The following PCCA variants were observed in gnomAD, a reference collection of about 807,000 sequenced individuals.
PCCA encodes the protein propionyl-CoA carboxylase subunit alpha, also known as propionyl-CoA carboxylase alpha chain, mitochondrial.
In PCCA, 74 loss-of-function variants were observed where a neutral mutation model predicts 101.3. The ratio of observed to expected loss-of-function variants is 0.73; its 90% CI spans 0.61 to 0.89. The LOEUF (loss-of-function observed/expected upper bound fraction) is 0.89. Ranked by LOEUF, PCCA falls within the 40% of genes least tolerant of loss-of-function variation. The probability of loss-of-function intolerance (pLI) is 0.00; values close to 1 mark genes in which losing one functional copy is unlikely to be tolerated. For missense variants in PCCA, 891 were observed against 907.0 expected (o/e 0.98, Z 0.23); for synonymous variants, 294 against 313.6 (o/e 0.94, Z 0.66).
intron 19 of PCCA, among the ~76,000 whole-genome samples, chr13:100,377,019 T>C (rs1456005943): frequency 6.6e-6 from 1 of 152,138 alleles, no homozygotes; most frequent in African/African-American, 2.4e-5. Context: ...GCACTGCCCC[T>C]CCCTCATGGC....
chr13:100,458,440 T>C lies in PCCA; in HGVS notation c.1899+9135T>C, dbSNP rs7991498. ...CTCTGCGCGCACACACACACACACA[T>C]ACACACACACACACACACACACACA... On this transcript the variant is annotated intron_variant, in intron 21 of 23. Transcript: ENST00000376285. Among the ~76,000 whole-genome samples the C allele has an allele frequency of 8.5e-3, 1,007 of 118,624 alleles. 7 individuals carry two copies. The highest frequency in any genetic ancestry group is 0.044 in the East Asian group (171 of 3,874). The allele number at this position is 118,624 out of a possible 152,430, so 77.8% of individuals were successfully genotyped here. A position where few individuals can be genotyped will look rare whatever the true frequency, so the allele number is the denominator to read the frequency against.
intron 19 of PCCA, among the ~76,000 whole-genome samples, chr13:100,421,096 A>G (rs2078715343): frequency 6.6e-6 from 1 of 152,092 alleles, no homozygotes; most frequent in Admixed American, 6.6e-5. Flanking sequence ...AATTCCAGCT[A>G]CTCAGGAGGC....
Position 100,286,653 on chromosome 13 carries a change from T to C in PCCA, c.1065+13307T>C, listed in dbSNP as rs376058741. 3.9e-5 allele frequency among the ~76,000 whole-genome samples: 6 copies of C among 152,352 alleles called. No homozygotes were observed. In the South Asian group the frequency reaches 1.2e-3, roughly 32 times the overall value. ...TCCTTACAGCTTTCTTTTCAAACTT[T>C]TTTTTAATGTGTCTTGGCTTAGTTG... On this transcript the variant is annotated intron_variant, in intron 12 of 23. Coordinates refer to ENST00000376285, the MANE Select transcript of PCCA (RefSeq NM_000282.4).
At chr13:100,405,703 G>A (rs2077627344) in intron 19 of PCCA, among the ~76,000 whole-genome samples, 1 of 151,752 alleles carries the variant, frequency 6.6e-6, no homozygotes, top group Non-Finnish European at 1.5e-5. Context: ...TGCGAGTTGG[G>A]TGGTCCTCTC....
At position 100,217,924 on chromosome 13, in the gene PCCA, AAAT is replaced by A. The variant is rs1566730421; in HGVS notation, c.600+8464_600+8466del. ...TCCCGACTCTACTAAAAATAGAAAA[AAAT>A]AAGCTGGGCGTGGTGGCAGGCCCTG... On this transcript the variant is annotated intron_variant, in intron 7 of 23. Transcript: ENST00000376285. Among the ~76,000 whole-genome samples, 4 of 151,058 alleles carry A rather than the reference AAAT, an allele frequency of 2.6e-5. No individual in the cohort carries two copies. The South Asian group carries it at 8.4e-4, about 32-fold the overall frequency.
At position 100,104,845 on chromosome 13, in the gene PCCA, A is replaced by G. The variant is rs1398926990; in HGVS notation, c.183+1885A>G. On this transcript the variant is annotated intron_variant, in intron 2 of 23. Transcript: ENST00000376285. ...CAGCCTCCCGAGTAGCTGGGATTACAGGTGTACGTCACCATGCCCGGCTAA... is the reference window on the plus strand; with the variant it reads ...CAGCCTCCCGAGTAGCTGGGATTACGGGTGTACGTCACCATGCCCGGCTAA... 1.3e-5 allele frequency among the ~76,000 whole-genome samples: 2 copies of G among 152,104 alleles called. 1 individual carries two copies. Among genetic ancestry groups the G allele is most frequent in the Non-Finnish European group, 2.9e-5 (2 of 68,004 alleles).
At chr13:100,258,753 A>G (rs1282681447) in intron 9 of PCCA, among the ~76,000 whole-genome samples, 3 of 152,238 alleles carry the variant, frequency 2.0e-5, no homozygotes, top group African/African-American at 7.2e-5. Flanking sequence ...TTCATATATT[A>G]GGCATCATTT....
At chr13:100,183,176 G>C (rs930269011) in intron 6 of PCCA, among the ~76,000 whole-genome samples, 3 of 151,954 alleles carry the variant, frequency 2.0e-5, no homozygotes, top group Non-Finnish European at 4.4e-5. Context: ...TTCATGAGGG[G>C]GAGTATTTTA....
At chr13:100,093,342 C>T (rs1264477695) in intron 1 of PCCA, among the ~76,000 whole-genome samples, 1 of 151,958 alleles carries the variant, frequency 6.6e-6, no homozygotes, top group Non-Finnish European at 1.5e-5. Context: ...GTTTTATAAC[C>T]CTAAATTAGG....
At chr13:100,257,150 C>T (rs774538972) in intron 8 of PCCA, among the ~76,000 whole-genome samples, 2 of 152,134 alleles carry the variant, frequency 1.3e-5, no homozygotes, top group Admixed American at 6.5e-5. Flanking sequence ...GTCTGTGACT[C>T]TTCAGATGAA....
chr13:100,238,149 A>T (rs2060917272), intron 8 of PCCA, among the ~76,000 whole-genome samples: 1 of 151,914 alleles, frequency 6.6e-6, no homozygotes, highest in African/African-American at 2.4e-5. Flanking sequence ...CATACTGGCC[A>T]GGCTGGTCTC....
At chr13:100,140,039 T>C (rs2051674880) in intron 4 of PCCA, among the ~76,000 whole-genome samples, 2 of 152,162 alleles carry the variant, frequency 1.3e-5, no homozygotes, top group South Asian at 4.1e-4. Flanking sequence ...GGTATACTTA[T>C]TAGAATTACA....
chr13:100,321,694 G>GAT (rs2068064923), intron 16 of PCCA, among the ~76,000 whole-genome samples: 1 of 150,798 alleles, frequency 6.6e-6, no homozygotes, highest in South Asian at 2.1e-4. Flanking sequence ...GATCGATTCT[G>GAT]ATATATATAA....
At chr13:100,392,183 G>T (rs1343271954) in intron 19 of PCCA, among the ~76,000 whole-genome samples, 1 of 152,162 alleles carries the variant, frequency 6.6e-6, no homozygotes, top group Non-Finnish European at 1.5e-5. Context: ...TTCATTGGGG[G>T]CAGGGTAGAG....
chr13:100,499,936 C>T (rs529706198), intron 21 of PCCA, among the ~76,000 whole-genome samples: 1 of 152,226 alleles, frequency 6.6e-6, no homozygotes, highest in South Asian at 2.1e-4. Flanking sequence ...ACAATGAAAT[C>T]ATGCTTCTGT....
chr13:100,273,162 C>T (rs746313795), intron 11 of PCCA, 34 bp from the exon 12 acceptor site: 12 of 1,581,362 alleles, frequency 7.6e-6, no homozygotes, highest in South Asian at 4.4e-5. Context: ...GATTTTTGTC[C>T]GAAATGTAGA....
chr13:100,437,380 AG>A (rs1183479357), intron 20 of PCCA, among the ~76,000 whole-genome samples: 1 of 152,228 alleles, frequency 6.6e-6, no homozygotes, highest in East Asian at 1.9e-4. Flanking sequence ...ATAAAGAACC[AG>A]GGGCATAAAC....
At position 100,530,137 on chromosome 13, in the gene PCCA, G is replaced by T. The variant is rs1250070325; in HGVS notation, c.2158G>T (p.Glu720Ter). The part of the protein sequence containing the change: ...VHCQAGDTVG[E>*]GDLLVELE ...CTGTCAAGCTGGAGACACAGTTGGA[G>T]AAGGGGATCTGCTCGTGGAGCTGGA... Residue 720 changes from glutamate to a stop codon, truncating the protein, a stop_gained, in exon 24 of 24, where the codon GAA becomes TAA. Transcript: ENST00000376285. LOFTEE classifies it high-confidence loss of function. The T allele has an allele frequency of 6.2e-7, 1 of 1,614,000 alleles. No individual in the cohort carries two copies. Among genetic ancestry groups the T allele is most frequent in the Non-Finnish European group, 8.5e-7 (1 of 1,179,958 alleles).
intron 19 of PCCA, among the ~76,000 whole-genome samples, chr13:100,409,387 G>C (rs1420418108): frequency 1.3e-5 from 2 of 152,164 alleles, no homozygotes; most frequent in East Asian, 1.9e-4. Context: ...GAAGAATTCA[G>C]GCTTGCAGTT....
Sources: allele counts gnomAD v4.1 joint callset (sites outside exome capture counted in the v4.1 genomes callset), GRCh38; gene constraint gnomAD v4.1.1; transcripts MANE v1.5; gene names NCBI Gene and HGNC (gene_info 2026-07-23, HGNC 2026-07-21).